Variants in RGS6 observed in about 807,000 individuals in gnomAD.
RGS6 encodes regulator of G-protein signaling 6.
A neutral mutation model predicts 78.5 loss-of-function variants in RGS6; 30 were observed. The ratio of observed to expected loss-of-function variants is 0.38; its 90% CI spans 0.29 to 0.52. The LOEUF is 0.52. Among genes scored for constraint, RGS6 ranks in the 20% least tolerant of loss-of-function variants. The probability of loss-of-function intolerance (pLI) is 0.85; values close to 1 mark genes in which losing one functional copy is unlikely to be tolerated. For synonymous variants in RGS6, 206 were observed against 206.0 expected (o/e 1.00, Z 0.00); for missense variants, 495 against 609.7 (o/e 0.81, Z 1.98).
intron 1 of RGS6, among the ~76,000 whole-genome samples, chr14:71,954,965 C>T (rs1327768017): frequency 6.6e-6 from 1 of 152,070 alleles, no homozygotes; most frequent in Non-Finnish European, 1.5e-5. Context: ...TACCTTTCAC[C>T]ATGCGTTGTA....
intron 2 of RGS6, among the ~76,000 whole-genome samples, chr14:72,322,122 A>G (rs910128861): frequency 2.0e-5 from 3 of 152,072 alleles, no homozygotes; most frequent in African/African-American, 7.2e-5. Flanking sequence ...TGAACAAAAA[A>G]TAAAGGAAAT....
chr14:72,387,006 A>G lies in RGS6; in HGVS notation c.184+34812A>G, dbSNP rs370369042. 5.9e-5 allele frequency among the ~76,000 whole-genome samples: 9 copies of G among 152,290 alleles called. No homozygotes were observed. In the South Asian group the frequency reaches 1.9e-3, roughly 32 times the overall value. On this transcript the variant is annotated intron_variant, in intron 3 of 17. Coordinates refer to ENST00000553525, the MANE Select transcript of RGS6 (RefSeq NM_001204424.2). ...TATCCTGATGGTGAGGGTGGTTTAC[A>G]CAGCTGTATACGGTTACCAACACTC...
At chr14:71,883,719 A>C in the RGS6 span, among the ~76,000 whole-genome samples, 1 of 152,340 alleles carries the variant, frequency 6.6e-6, no homozygotes, top group Non-Finnish European at 1.5e-5. Context: ...ATGGCAACAA[A>C]AGTGACCTCT....
intron 12 of RGS6, among the ~76,000 whole-genome samples, chr14:72,489,409 C>G (rs1239469941): frequency 6.6e-6 from 1 of 152,162 alleles, no homozygotes; most frequent in Non-Finnish European, 1.5e-5. Context: ...TCTCACATTC[C>G]CTGTAGTGGG....
In RGS6 at chr14:72,016,597, C is replaced by T. The variant is rs185519887; in HGVS notation, c.84+51722C>T. On this transcript the variant is annotated intron_variant, in intron 2 of 17. Transcript: ENST00000553525. ...AGCCAGGATTGTCTCAATCTCCTGA[C>T]CTCGTGATCCGCCCTCCTCGGCCTC... Among the ~76,000 whole-genome samples the T allele has an allele frequency of 6.2e-4, 94 of 152,276 alleles. 1 individual carries two copies. The highest frequency in any genetic ancestry group is 4.2e-4 in the South Asian group (2 of 4,818).
intron 2 of RGS6, among the ~76,000 whole-genome samples, chr14:72,091,260 T>C (rs2095260753): frequency 6.6e-6 from 1 of 152,168 alleles, no homozygotes; most frequent in African/African-American, 2.4e-5. Context: ...CTGCCTTTGC[T>C]TATGCTCTCT....
At chr14:72,270,972 ATTATG>A (rs1271383864) in intron 2 of RGS6, among the ~76,000 whole-genome samples, 1 of 152,218 alleles carries the variant, frequency 6.6e-6, no homozygotes, top group African/African-American at 2.4e-5. Flanking sequence ...TATGCCAAGC[ATTATG>A]TTAGTCAGTG....
chr14:72,038,335 C>A (rs533001987), intron 2 of RGS6, among the ~76,000 whole-genome samples: 84 of 152,106 alleles, frequency 5.5e-4, no homozygotes, highest in Non-Finnish European at 1.1e-3. Flanking sequence ...AAGTGTGATT[C>A]CTCCAACTCT....
At chr14:71,959,718 A>C (rs1448022524) in intron 1 of RGS6, among the ~76,000 whole-genome samples, 1 of 152,184 alleles carries the variant, frequency 6.6e-6, no homozygotes, top group Admixed American at 6.5e-5. Flanking sequence ...GGGATTCTCC[A>C]TTGAATCTGA....
chr14:72,547,218 A>G (rs1352140822), intron 17 of RGS6: 31 of 1,535,442 alleles, frequency 2.0e-5, no homozygotes, highest in Non-Finnish European at 1.7e-6. Flanking sequence ...GGGCCAGAGA[A>G]AGAGCATCCA....
chr14:72,541,954 G>A (rs2097333396), intron 17 of RGS6, among the ~76,000 whole-genome samples: 1 of 152,256 alleles, frequency 6.6e-6, no homozygotes, highest in African/African-American at 2.4e-5. Flanking sequence ...CCCAAGGTCT[G>A]TTAGCAAAGC....
At chr14:72,328,734 A>T (rs954628526) in intron 2 of RGS6, among the ~76,000 whole-genome samples, 1 of 152,228 alleles carries the variant, frequency 6.6e-6, no homozygotes, top group South Asian at 2.1e-4. Flanking sequence ...TAGGAACAAG[A>T]CGAAATGGGT....
chr14:72,136,986 C>T (rs2096454200), intron 2 of RGS6, among the ~76,000 whole-genome samples: 1 of 152,166 alleles, frequency 6.6e-6, no homozygotes, highest in South Asian at 2.1e-4. Flanking sequence ...ACTGTTACTT[C>T]TCATGTTTTT....
At chr14:72,096,406 G>A (rs777180859) in intron 2 of RGS6, among the ~76,000 whole-genome samples, 15 of 152,182 alleles carry the variant, frequency 9.9e-5, no homozygotes, top group Admixed American at 5.2e-4. Flanking sequence ...GGGAACAGGA[G>A]CCCAAAGATA....
chr14:72,113,880 G>A (rs992485270), intron 2 of RGS6, among the ~76,000 whole-genome samples: 5 of 152,210 alleles, frequency 3.3e-5, no homozygotes, highest in African/African-American at 1.2e-4. Flanking sequence ...GGGAATGGAC[G>A]CAGAGAGGGG....
chr14:72,225,409 A>G (rs1457680848), intron 2 of RGS6, among the ~76,000 whole-genome samples: 4 of 152,132 alleles, frequency 2.6e-5, no homozygotes, highest in Non-Finnish European at 4.4e-5. Flanking sequence ...TGCAGACTCA[A>G]CTTCCCTGGG....
chr14:72,007,554 G>C (rs939371512), intron 2 of RGS6, among the ~76,000 whole-genome samples: 10 of 152,178 alleles, frequency 6.6e-5, no homozygotes. Context: ...AAAACATTAT[G>C]CGTGGACCTT....
At chr14:72,377,102 G>A (rs8022289) in intron 3 of RGS6, among the ~76,000 whole-genome samples, 89,410 of 152,000 alleles carry the variant, frequency 0.59, 28,376 homozygotes, top group African/African-American at 0.84. Flanking sequence ...CCATTTAGAT[G>A]TAGACTGACT....
the RGS6 span, among the ~76,000 whole-genome samples, chr14:72,593,915 C>T: frequency 7.0e-6 from 1 of 143,814 alleles, no homozygotes; most frequent in Non-Finnish European, 1.5e-5. Context: ...TTGGTGCACC[C>T]CCTCATCCTG....
Sources: allele counts gnomAD v4.1 joint callset (sites outside exome capture counted in the v4.1 genomes callset), GRCh38; gene constraint gnomAD v4.1.1; transcripts MANE v1.5; gene names NCBI Gene and HGNC (gene_info 2026-07-23, HGNC 2026-07-21).